ERCC6: variants seen among roughly 807,000 people sequenced by gnomAD.
ERCC6 encodes DNA excision repair protein ERCC-6.
A neutral mutation model predicts 158.7 loss-of-function variants in ERCC6; 116 were observed. The ratio of observed to expected loss-of-function variants is 0.73; its 90% confidence interval spans 0.63 to 0.85. The LOEUF (loss-of-function observed/expected upper bound fraction) is 0.85. Among genes scored for constraint, ERCC6 ranks in the 40% least tolerant of loss-of-function variants. The pLI, the probability that ERCC6 is intolerant of heterozygous loss-of-function variation, is 0.00. For missense variants in ERCC6, 1,698 were observed against 1,799.4 expected (o/e 0.94, Z 1.02); for synonymous variants, 678 against 659.3 (o/e 1.03, Z -0.43).
downstream of ERCC6, among the ~76,000 whole-genome samples, chr10:49,454,312 G>C (rs530405215): frequency 1.3e-5 from 2 of 152,122 alleles, no homozygotes; most frequent in African/African-American, 4.8e-5. Context: ...GAGGGGATAA[G>C]AAATGCTGGC....
intron 10 of ERCC6, among the ~76,000 whole-genome samples, chr10:49,480,943 G>A (rs1379182509): frequency 1.3e-5 from 2 of 152,196 alleles, no homozygotes; most frequent in Non-Finnish European, 2.9e-5. Flanking sequence ...CTAGAGACAC[G>A]GAAACTACTG....
At chr10:49,477,080 C>T (rs1020939965) in intron 11 of ERCC6, among the ~76,000 whole-genome samples, 3 of 152,136 alleles carry the variant, frequency 2.0e-5, no homozygotes, top group Non-Finnish European at 2.9e-5. Context: ...CGCATGCCCG[C>T]CCAGCATCTT....
Position 49,538,264 on chromosome 10 carries a change from A to C in ERCC6, c.-15+698T>G, listed in dbSNP as rs547895746. Among the ~76,000 whole-genome samples, 5 of 152,330 alleles carry C rather than the reference A, an allele frequency of 3.3e-5. No individual in the cohort carries two copies. In the East Asian group the frequency reaches 9.6e-4, roughly 29 times the overall value. ...GACACAGGCACAGTTCTGAGAGGGGACAGGCAAGGGCCAAATCACACAAGG... is the reference window on the plus strand; with the variant it reads ...GACACAGGCACAGTTCTGAGAGGGGCCAGGCAAGGGCCAAATCACACAAGG... On this transcript the variant is annotated intron_variant, in intron 1 of 20. Coordinates refer to ENST00000355832, the MANE Select transcript of ERCC6 (RefSeq NM_000124.4).
At chr10:49,472,542 G>C in intron 15 of ERCC6, 72 bp from the exon 16 acceptor site, 2 of 1,502,374 alleles carry the variant, frequency 1.3e-6, no homozygotes, top group Non-Finnish European at 1.8e-6. Flanking sequence ...AAGAAACAAA[G>C]CTAGCTGGTC....
intron 7 of ERCC6, 95 bp downstream of exon 7, chr10:49,500,443 T>A: frequency 2.2e-6 from 3 of 1,383,594 alleles, no homozygotes; most frequent in Non-Finnish European, 3.1e-6. Context: ...AATTGAAATG[T>A]CATCAATAAT....
At chr10:49,471,350 G>A (rs4253205) in intron 16 of ERCC6, among the ~76,000 whole-genome samples, 263 of 152,116 alleles carry the variant, frequency 1.7e-3, no homozygotes, top group African/African-American at 5.9e-3. Context: ...TATTTACACC[G>A]AATGAGCTTT....
chr10:49,439,783 G>A, the ERCC6 span, among the ~76,000 whole-genome samples: 2,206 of 152,096 alleles, frequency 0.015, 44 homozygotes, highest in African/African-American at 0.049. Context: ...AATTTCTTCC[G>A]CTAGATACCC....
intron 6 of ERCC6, 98 bp from the exon 7 acceptor site, chr10:49,500,794 T>C (rs1851343988): frequency 1.6e-6 from 2 of 1,275,800 alleles, no homozygotes; most frequent in Non-Finnish European, 2.2e-6. Flanking sequence ...TTTGGCTAGG[T>C]TCTAGTACCA....
At chr10:49,463,655 G>GT (rs1564726668) in intron 18 of ERCC6, among the ~76,000 whole-genome samples, 2 of 152,144 alleles carry the variant, frequency 1.3e-5, no homozygotes, top group Non-Finnish European at 2.9e-5. Context: ...CAATTCCCAC[G>GT]TGACATGGGA....
intron 7 of ERCC6, among the ~76,000 whole-genome samples, chr10:49,496,349 C>T (rs1851267090): frequency 6.6e-6 from 1 of 152,146 alleles, no homozygotes; most frequent in South Asian, 2.1e-4. Flanking sequence ...TCAATGCCTA[C>T]CTAATAGCAA....
At chr10:49,490,865 G>T (rs1237367496) in intron 8 of ERCC6, among the ~76,000 whole-genome samples, 1 of 152,180 alleles carries the variant, frequency 6.6e-6, no homozygotes, top group Non-Finnish European at 1.5e-5. Flanking sequence ...CAGCTGGTGG[G>T]CACAGAAAGC....
At chr10:49,526,093 ATATATTTATATATTTATATATT>A (rs1837315684) in intron 4 of ERCC6, among the ~76,000 whole-genome samples, 3 of 102,000 alleles carry the variant, frequency 2.9e-5, no homozygotes, top group African/African-American at 4.1e-5. Context: ...ATTTATATTT[ATATATTTATATATTTATATATT>A]TTTATATATA....
At chr10:49,531,554 CACA>C (rs1159377022) in intron 2 of ERCC6, among the ~76,000 whole-genome samples, 2 of 152,268 alleles carry the variant, frequency 1.3e-5, no homozygotes, top group Admixed American at 6.5e-5. Flanking sequence ...ATGGAGACCC[CACA>C]ACTCTCCTCT....
At chr10:49,461,836 C>T (rs563066133) in intron 18 of ERCC6, among the ~76,000 whole-genome samples, 2 of 152,178 alleles carry the variant, frequency 1.3e-5, no homozygotes, top group South Asian at 4.2e-4. Context: ...AAAGACCAAA[C>T]ACTTAGGAAT....
chr10:49,471,080 C>G lies in ERCC6; in HGVS notation c.2965G>C (p.Asp989His). 6.2e-7 allele frequency: 1 copy of G among 1,613,924 alleles called. No homozygotes were observed. Among genetic ancestry groups the G allele is most frequent in the Non-Finnish European group, 8.5e-7 (1 of 1,179,970 alleles). ...KQFLTNRVLKDPKQRRFFKSN... is the reference protein window; with the variant it reads ...KQFLTNRVLKHPKQRRFFKSN... Reference sequence around the variant, plus strand: ...TTGAAAAACCGCCTTTGTTTTGGGTCTTTTAGCACTCTATTTGTCAAAAAC... The same window carrying G: ...TTGAAAAACCGCCTTTGTTTTGGGTGTTTTAGCACTCTATTTGTCAAAAAC... Residue 989 changes from aspartate (D) to histidine (H), a missense_variant, in exon 17 of 21, where the codon GAC (aspartate) becomes CAC (histidine). Coordinates refer to ENST00000355832, the MANE Select transcript of ERCC6 (RefSeq NM_000124.4).
chr10:49,450,968 C>G (rs1200294339), downstream of ERCC6, among the ~76,000 whole-genome samples: 1 of 151,966 alleles, frequency 6.6e-6, no homozygotes, highest in Non-Finnish European at 1.5e-5. Flanking sequence ...CCCGCCACCA[C>G]GCCTGGCTAA....
intron 7 of ERCC6, among the ~76,000 whole-genome samples, chr10:49,497,314 G>A (rs907216348): frequency 6.6e-6 from 1 of 152,136 alleles, no homozygotes; most frequent in Non-Finnish European, 1.5e-5. Flanking sequence ...CACTTAGCAG[G>A]GATTAGGAAA....
chr10:49,464,713 C>A (rs1850642676), intron 18 of ERCC6, among the ~76,000 whole-genome samples: 1 of 152,212 alleles, frequency 6.6e-6, no homozygotes, highest in Non-Finnish European at 1.5e-5. Flanking sequence ...AAGGGGCCAA[C>A]AAAGAGCTCA....
At chr10:49,523,081 C>T (rs1837213025) in intron 5 of ERCC6, among the ~76,000 whole-genome samples, 2 of 152,062 alleles carry the variant, frequency 1.3e-5, no homozygotes, top group Admixed American at 6.6e-5. Flanking sequence ...TCACAAAGGC[C>T]AATAAATACA....
Sources: allele counts gnomAD v4.1 joint callset (sites outside exome capture counted in the v4.1 genomes callset), GRCh38; gene constraint gnomAD v4.1.1; transcripts MANE v1.5; gene names NCBI Gene and HGNC (gene_info 2026-07-23, HGNC 2026-07-21).